Variants in RAD51B observed in about 807,000 individuals in gnomAD.
RAD51B encodes RAD51 paralog B, also known as DNA repair protein RAD51 homolog 2.
RAD51B carries 38 observed loss-of-function variants against 42.2 expected under a neutral mutation model. The ratio of observed to expected loss-of-function variants is 0.90; its 90% confidence interval spans 0.70 to 1.18. RAD51B has a LOEUF of 1.18. Among genes scored for constraint, RAD51B ranks in the 50% most tolerant of loss-of-function variants. The pLI, the probability that RAD51B is intolerant of heterozygous loss-of-function variation, is 0.00. For missense variants in RAD51B, 373 were observed against 400.7 expected (o/e 0.93, Z 0.59); for synonymous variants, 154 against 145.2 (o/e 1.06, Z -0.43).
At chr14:68,320,873 C>G (rs989455996) in intron 8 of RAD51B, among the ~76,000 whole-genome samples, 1 of 152,108 alleles carries the variant, frequency 6.6e-6, no homozygotes, top group Admixed American at 6.5e-5. Context: ...GGCTATGGAC[C>G]CAAAGGTCTG....
chr14:67,875,599 A>G (rs962258720), intron 5 of RAD51B, among the ~76,000 whole-genome samples: 2 of 152,230 alleles, frequency 1.3e-5, no homozygotes, highest in African/African-American at 4.8e-5. Context: ...TTTGTAGCCT[A>G]GGAGCAATAG....
chr14:67,837,155 A>G (rs1480137659), intron 4 of RAD51B, among the ~76,000 whole-genome samples: 1 of 151,956 alleles, frequency 6.6e-6, no homozygotes, highest in Non-Finnish European at 1.5e-5. Flanking sequence ...ACACACACAC[A>G]TACACACACA....
At chr14:68,187,230 A>G (rs1189927730) in intron 7 of RAD51B, among the ~76,000 whole-genome samples, 1 of 152,228 alleles carries the variant, frequency 6.6e-6, no homozygotes, top group Non-Finnish European at 1.5e-5. Flanking sequence ...ATTGGGGAGA[A>G]GGGTTGAAAA....
At chr14:68,418,589 G>C (rs960078532) in intron 9 of RAD51B, among the ~76,000 whole-genome samples, 1 of 152,248 alleles carries the variant, frequency 6.6e-6, no homozygotes, top group African/African-American at 2.4e-5. Flanking sequence ...GTTGCAGGAA[G>C]TAGAAGAGAC....
At chr14:68,515,428 T>TTTC (rs200318966) in intron 10 of RAD51B, among the ~76,000 whole-genome samples, 1 of 136,310 alleles carries the variant, frequency 7.3e-6, no homozygotes, top group Non-Finnish European at 1.6e-5. Context: ...CTTTTCTTCC[T>TTTC]TTCTTCTTCT....
At chr14:68,283,871 ATGGTTAT>A (rs2081367555) in intron 7 of RAD51B, among the ~76,000 whole-genome samples, 1 of 152,238 alleles carries the variant, frequency 6.6e-6, no homozygotes, top group African/African-American at 2.4e-5. Flanking sequence ...AGGGAGCCAC[ATGGTTAT>A]CTTGTGTGTT....
At chr14:68,195,180 A>C (rs1286010419) in intron 7 of RAD51B, among the ~76,000 whole-genome samples, 1 of 152,182 alleles carries the variant, frequency 6.6e-6, no homozygotes, top group African/African-American at 2.4e-5. Context: ...AGAAAACTAC[A>C]ATTTTAGTTA....
chr14:68,100,798 G>T (rs887444498), intron 7 of RAD51B, among the ~76,000 whole-genome samples: 1 of 152,170 alleles, frequency 6.6e-6, no homozygotes, highest in African/African-American at 2.4e-5. Context: ...GCCCAAAAGT[G>T]TTAAATTGCT....
chr14:68,426,642 T>C (rs1245583864), intron 9 of RAD51B, among the ~76,000 whole-genome samples: 2 of 152,054 alleles, frequency 1.3e-5, no homozygotes, highest in African/African-American at 2.4e-5. Flanking sequence ...AAAGATGGGA[T>C]CTATAATTAA....
rs1555434149 is a variant in RAD51B, at chr14:68,648,112, C to CGTATATATACGTGTGT, written c.1037-2660_1037-2659insCGTGTGTGTATATATA. On this transcript the variant is annotated intron_variant, in intron 10 of 11. Coordinates refer to the RAD51B transcript ENST00000488612. ...GTGTGTGTATATATATATACACACA[C>CGTATATATACGTGTGT]GTATATATATATACACACACGTATA... Among the ~76,000 whole-genome samples the CGTATATATACGTGTGT allele has an allele frequency of 1.7e-3, 67 of 39,504 alleles. 3 individuals carry two copies. Among genetic ancestry groups the CGTATATATACGTGTGT allele is most frequent in the Non-Finnish European group, 2.4e-3 (53 of 21,960 alleles). 25.9% of individuals were successfully genotyped at this position (39,504 alleles called of 152,430 possible).
At chr14:68,442,945 G>T (rs1295351912) in intron 9 of RAD51B, among the ~76,000 whole-genome samples, 1 of 152,270 alleles carries the variant, frequency 6.6e-6, no homozygotes, top group South Asian at 2.1e-4. Flanking sequence ...GACCCAGGTT[G>T]TTGCTCCCCC....
chr14:68,573,994 G>A (rs2140045470), intron 10 of RAD51B, among the ~76,000 whole-genome samples: 1 of 152,072 alleles, frequency 6.6e-6, no homozygotes, highest in East Asian at 1.9e-4. Context: ...GTGTGTGTGT[G>A]TGTGTGTGTG....
At chr14:67,830,796 G>A (rs1283895818) in intron 3 of RAD51B, among the ~76,000 whole-genome samples, 1 of 152,114 alleles carries the variant, frequency 6.6e-6, no homozygotes, top group Non-Finnish European at 1.5e-5. Context: ...TTTGCTTTGA[G>A]AAACTGAGTG....
At chr14:68,039,602 G>T (rs911819815) in intron 7 of RAD51B, among the ~76,000 whole-genome samples, 8 of 152,162 alleles carry the variant, frequency 5.3e-5, no homozygotes, top group Non-Finnish European at 1.0e-4. Context: ...GCATATGCCT[G>T]TGTTTACCTT....
intron 7 of RAD51B, among the ~76,000 whole-genome samples, chr14:68,273,081 A>G (rs564051155): frequency 6.6e-6 from 1 of 152,274 alleles, no homozygotes; most frequent in Admixed American, 6.5e-5. Flanking sequence ...TCTTTGCTTG[A>G]AAAGAGCCAC....
intron 7 of RAD51B, among the ~76,000 whole-genome samples, chr14:68,120,427 C>T (rs535860388): frequency 1.3e-5 from 2 of 152,276 alleles, no homozygotes; most frequent in South Asian, 4.2e-4. Flanking sequence ...CCCTAAATCA[C>T]ATTAGGCAGG....
At chr14:68,555,851 C>G (rs542979087) in intron 10 of RAD51B, among the ~76,000 whole-genome samples, 1 of 152,336 alleles carries the variant, frequency 6.6e-6, no homozygotes, top group Non-Finnish European at 1.5e-5. Context: ...CAGGGAGACC[C>G]TGGCTTGTCC....
rs72727424 is a variant in RAD51B, at chr14:68,266,307, A to G, written c.757-25577A>G. 2.3e-3 allele frequency among the ~76,000 whole-genome samples: 349 copies of G among 152,370 alleles called. 2 individuals carry two copies. The highest frequency in any genetic ancestry group is 4.3e-3 in the Non-Finnish European group (293 of 68,032). ...AAGACCCAGGGAAAACTGTGTATTTATATGGATAGTCATACAGAAGTATGA... is the reference window on the plus strand; with the variant it reads ...AAGACCCAGGGAAAACTGTGTATTTGTATGGATAGTCATACAGAAGTATGA... On this transcript the variant is annotated intron_variant, in intron 7 of 10. Coordinates refer to ENST00000471583, the MANE Select transcript of RAD51B (RefSeq NM_133510.4).
Position 68,131,866 on chromosome 14 carries a change from C to T in RAD51B, c.757-160018C>T, listed in dbSNP as rs1156573479. On this transcript the variant is annotated intron_variant, in intron 7 of 10. Coordinates refer to ENST00000471583, the MANE Select transcript of RAD51B (RefSeq NM_133510.4). ...AAATCAAGTCACCTGAAGTACAGTTCAACAAGCTGAGATTACTTAGCCTAA... is the reference window on the plus strand; with the variant it reads ...AAATCAAGTCACCTGAAGTACAGTTTAACAAGCTGAGATTACTTAGCCTAA... Among the ~76,000 whole-genome samples the T allele has an allele frequency of 8.5e-5, 13 of 152,230 alleles. No homozygotes were observed. The East Asian group carries it at 1.7e-3, about 20-fold the overall frequency.
Sources: allele counts gnomAD v4.1 joint callset (sites outside exome capture counted in the v4.1 genomes callset), GRCh38; gene constraint gnomAD v4.1.1; transcripts MANE v1.5; gene names NCBI Gene and HGNC (gene_info 2026-07-23, HGNC 2026-07-21).